The following TMEM223 variants were observed in gnomAD, a reference collection of about 807,000 sequenced individuals.
The protein encoded by TMEM223 is transmembrane protein 223.
TMEM223 carries 14 observed loss-of-function variants against 14.1 expected under a neutral mutation model. The ratio of observed to expected loss-of-function variants is 0.99; its 90% CI spans 0.66 to 1.55. The LOEUF (loss-of-function observed/expected upper bound fraction) is 1.55. Among genes scored for constraint, TMEM223 ranks in the 40% most tolerant of loss-of-function variants. The probability of loss-of-function intolerance (pLI) is 0.00; values close to 1 mark genes in which losing one functional copy is unlikely to be tolerated. For synonymous variants in TMEM223, 145 were observed against 120.5 expected (o/e 1.20, Z -1.33); for missense variants, 346 against 269.9 (o/e 1.28, Z -1.97).
Position 62,790,455 on chromosome 11 carries a change from A to C in TMEM223, c.*168T>G. ...CGTTTTTTTTTGTTTTTTTTTTTGTAAATAGAGACAAGGTCTCGCTATGTT... is the reference window on the plus strand; with the variant it reads ...CGTTTTTTTTTGTTTTTTTTTTTGTCAATAGAGACAAGGTCTCGCTATGTT... On this transcript the variant is annotated 3_prime_UTR_variant, in exon 2 of 2. Coordinates refer to ENST00000307366, the MANE Select transcript of TMEM223 (RefSeq NM_001080501.3). 2.0e-6 allele frequency: 1 copy of C among 488,334 alleles called. No individual in the cohort carries two copies. The highest frequency in any genetic ancestry group is 3.4e-6 in the Non-Finnish European group (1 of 295,112). 30.3% of individuals were successfully genotyped at this position (488,334 alleles called of 1,614,324 possible). A position where few individuals can be genotyped will look rare whatever the true frequency, so the allele number is the denominator to read the frequency against.
intron 1 of TMEM223, chr11:62,776,283 C>G (rs1241118933): frequency 8.4e-7 from 1 of 1,197,048 alleles, no homozygotes; most frequent in Non-Finnish European, 1.2e-6. Flanking sequence ...TAAGCGTGGT[C>G]TCCTGTTTGC....
chr11:62,771,995 G>C, exon 3 of TMEM223: 3 of 409,764 alleles, frequency 7.3e-6, no homozygotes, highest in South Asian at 1.7e-5. Context: ...TACAGCTGGC[G>C]GCTCCTGAAT....
downstream of TMEM223, chr11:62,771,196 A>C (rs1242494877): frequency 6.6e-6 from 1 of 152,232 alleles, no homozygotes; most frequent in Non-Finnish European, 1.5e-5. Flanking sequence ...AACGTGTGTT[A>C]AAACAATACA....
chr11:62,777,121 T>C (rs1017770219), intron 1 of TMEM223, among the ~76,000 whole-genome samples: 13 of 150,314 alleles, frequency 8.6e-5, no homozygotes, highest in African/African-American at 3.2e-4. Context: ...TACTCCAGCC[T>C]GGGTGACAGA....
At chr11:62,778,688 G>A (rs2084204806) in intron 1 of TMEM223, 1 of 631,480 alleles carries the variant, frequency 1.6e-6, no homozygotes, top group East Asian at 2.7e-5. Flanking sequence ...GCACAGAGGT[G>A]TGCAGAGCCT....
downstream of TMEM223, among the ~76,000 whole-genome samples, chr11:62,784,288 C>CAT (rs997402650): frequency 2.2e-5 from 3 of 137,070 alleles, no homozygotes; most frequent in South Asian, 4.8e-4. Flanking sequence ...GGTGCCTGGC[C>CAT]ATATATATAT....
At chr11:62,777,551 G>A (rs1182473083) in intron 1 of TMEM223, among the ~76,000 whole-genome samples, 1 of 152,116 alleles carries the variant, frequency 6.6e-6, no homozygotes, top group Non-Finnish European at 1.5e-5. Flanking sequence ...CTTAAACTAG[G>A]CCAAGAGGAA....
At chr11:62,773,337 G>A (rs1277230109) in intron 2 of TMEM223, among the ~76,000 whole-genome samples, 4 of 151,294 alleles carry the variant, frequency 2.6e-5, no homozygotes, top group Non-Finnish European at 5.9e-5. Context: ...TAGTAGAGAC[G>A]AGGTTTCACC....
chr11:62,774,196 C>G (rs1295914464), intron 2 of TMEM223, among the ~76,000 whole-genome samples: 1 of 152,032 alleles, frequency 6.6e-6, no homozygotes, highest in Non-Finnish European at 1.5e-5. Context: ...CCTGCCTCAG[C>G]CTCCCGAGTA....
Position 62,790,898 on chromosome 11 carries a change from C to G in TMEM223, c.334G>C (p.Ala112Pro). 2 of 1,588,916 alleles carry G rather than the reference C, an allele frequency of 1.3e-6. No homozygotes were observed. The highest frequency in any genetic ancestry group is 1.7e-6 in the Non-Finnish European group (2 of 1,164,168). ...CGAIGALVLG[A>P]GLLFSLRSVR... ...GACCGGAGAGAGAAGAGAAGACCAG[C>G]ACCGAGTACGAGGGCTCCTGCAGGC... The change falls in exon 2 of 2, where the codon GCT (alanine) becomes CCT (proline). Residue 112 changes from alanine to proline, a missense_variant. Transcript: ENST00000307366.
chr11:62,787,654 C>T (rs1385937005), downstream of TMEM223: 14 of 1,231,680 alleles, frequency 1.1e-5, no homozygotes, highest in East Asian at 2.8e-4. Context: ...GCACGGCTGG[C>T]GCCGGCCTGT....
At chr11:62,786,308 T>C (rs753289634), downstream of TMEM223, 5 of 1,614,038 alleles carry the variant, frequency 3.1e-6, no homozygotes, top group South Asian at 4.4e-5. Context: ...CTGGACAAAC[T>C]TGCAGGCTGT....
chr11:62,776,540 C>T (rs1051796595), intron 1 of TMEM223: 48 of 1,499,154 alleles, frequency 3.2e-5, no homozygotes, highest in Admixed American at 5.1e-5. Flanking sequence ...TCAGGGCTGG[C>T]GATGTGGTGA....
At chr11:62,783,537 T>C (rs2084246771), downstream of TMEM223, among the ~76,000 whole-genome samples, 1 of 146,234 alleles carries the variant, frequency 6.8e-6, no homozygotes, top group Non-Finnish European at 1.5e-5. Context: ...GGGAGGATCT[T>C]TTTTTTTTTT....
chr11:62,787,857 G>A, downstream of TMEM223: 1 of 619,420 alleles, frequency 1.6e-6, no homozygotes, highest in South Asian at 1.5e-5. Flanking sequence ...GCGTCCATCC[G>A]TTAAATCAGA....
downstream of TMEM223, chr11:62,782,817 G>C (rs2084240347): frequency 6.2e-7 from 1 of 1,613,912 alleles, no homozygotes; most frequent in South Asian, 1.1e-5. Context: ...GCATGCTCTT[G>C]GCTGGAAGGT....
At chr11:62,776,015 T>G (rs79899241) in intron 1 of TMEM223, 1 of 1,474,890 alleles carries the variant, frequency 6.8e-7, no homozygotes, top group Non-Finnish European at 9.1e-7. Context: ...TTTATTCAAG[T>G]GTACACTGGG....
At chr11:62,783,375 G>A (rs189964931), downstream of TMEM223, among the ~76,000 whole-genome samples, 2,329 of 151,996 alleles carry the variant, frequency 0.015, 51 homozygotes, top group African/African-American at 0.053. Context: ...CCAGCTACTC[G>A]GGAGGCTGAG....
rs895343499 is a variant in TMEM223 at position 62,790,105 on chromosome 11, C to A, written c.*518G>T. On this transcript the variant is annotated 3_prime_UTR_variant, in exon 2 of 2. Transcript: ENST00000307366. Reference sequence around the variant, plus strand: ...CTCCATGCCCAAGTGCCTGTAATCCCCCCCCTCAAGGCCCTGTTTATGTTG... The same window carrying A: ...CTCCATGCCCAAGTGCCTGTAATCCACCCCCTCAAGGCCCTGTTTATGTTG... 3.3e-6 allele frequency: 5 copies of A among 1,507,716 alleles called. No individual in the cohort carries two copies. Among genetic ancestry groups the A allele is most frequent in the South Asian group, 1.3e-5 (1 of 75,498 alleles). The allele number at this position is 1,507,716 out of a possible 1,614,324, so 93.4% of individuals were successfully genotyped here. A position where few individuals can be genotyped will look rare whatever the true frequency, so the allele number is the denominator to read the frequency against.
Sources: gnomAD v4.1 joint callset for allele counts (sites outside exome capture counted in the v4.1 genomes callset) on GRCh38, gnomAD v4.1.1 for gene constraint, MANE v1.5 for transcripts, NCBI Gene and HGNC (gene_info 2026-07-23, HGNC 2026-07-21) for gene names.